Variants in NRCAM observed in about 807,000 individuals in gnomAD.
NRCAM encodes the protein NgCAM-related cell adhesion molecule.
A neutral mutation model predicts 156.5 loss-of-function variants in NRCAM; 83 were observed. That is an observed-to-expected ratio of 0.53 (90% CI 0.44 to 0.64). NRCAM has a LOEUF of 0.64. Ranked by LOEUF, NRCAM falls within the 30% of genes least tolerant of loss-of-function variation. The probability of loss-of-function intolerance (pLI) is 0.00; values close to 1 mark genes in which losing one functional copy is unlikely to be tolerated. For missense variants in NRCAM, 1,417 were observed against 1,597.3 expected, an observed-to-expected ratio of 0.89 and a Z score of 1.92; for synonymous variants, 538 against 563.9, an observed-to-expected ratio of 0.95 and a Z score of 0.65.
In NRCAM at chr7:108,161,051, T is replaced by C. The variant is rs1432202913; in HGVS notation, c.3467-559A>G. ...GATCAGGAAAACAGCCATATTGTTTTATATAACATCTCAATTTGCACCCAA... is the reference window on the plus strand; with the variant it reads ...GATCAGGAAAACAGCCATATTGTTTCATATAACATCTCAATTTGCACCCAA... On this transcript the variant is annotated intron_variant, in intron 30 of 32. Coordinates refer to ENST00000379028, the MANE Select transcript of NRCAM (RefSeq NM_001037132.4). Among the ~76,000 whole-genome samples the C allele has an allele frequency of 3.3e-5, 5 of 152,358 alleles. No individual in the cohort carries two copies. In the East Asian group the frequency reaches 9.6e-4, roughly 29 times the overall value.
chr7:108,225,136 T>C (rs1291647871), intron 10 of NRCAM, among the ~76,000 whole-genome samples: 2 of 152,220 alleles, frequency 1.3e-5, no homozygotes, highest in East Asian at 1.9e-4. Flanking sequence ...GTGACTTGGT[T>C]TGACTTACTT....
intron 1 of NRCAM, among the ~76,000 whole-genome samples, chr7:108,435,392 CAG>C (rs1278747435): frequency 2.0e-5 from 3 of 152,072 alleles, no homozygotes; most frequent in Admixed American, 1.3e-4. Context: ...GAAAAATAAG[CAG>C]AGTCTCAGAA....
At position 108,212,001 on chromosome 7, in the gene NRCAM, C is replaced by G. The variant is rs550301129; in HGVS notation, c.891-2396G>C. Among the ~76,000 whole-genome samples the G allele has an allele frequency of 3.9e-3, 591 of 152,316 alleles. 3 individuals carry two copies. Among genetic ancestry groups the G allele is most frequent in the African/African-American group, 0.013 (541 of 41,564 alleles). ...GAACCCTCACAGAGTCCATTTCAAC[C>G]CCCTGCCACCTCCACCAGAACAGGT... On this transcript the variant is annotated intron_variant, in intron 11 of 32. Transcript: ENST00000379028.
chr7:108,206,686 C>T (rs1183543785), intron 13 of NRCAM, among the ~76,000 whole-genome samples: 1 of 152,182 alleles, frequency 6.6e-6, no homozygotes, highest in African/African-American at 2.4e-5. Flanking sequence ...GTGCAACATC[C>T]ATTTAAAGAT....
chr7:108,393,906 A>C (rs2099769503), intron 2 of NRCAM, among the ~76,000 whole-genome samples: 1 of 152,160 alleles, frequency 6.6e-6, no homozygotes, highest in Non-Finnish European at 1.5e-5. Context: ...TTTCTCTGGA[A>C]CCAGGCTCTG....
At chr7:108,364,889 C>T (rs555934635) in intron 2 of NRCAM, among the ~76,000 whole-genome samples, 62 of 151,994 alleles carry the variant, frequency 4.1e-4, no homozygotes, top group Admixed American at 9.8e-4. Flanking sequence ...TTGGAGATGA[C>T]GAAAGAGTTT....
intron 2 of NRCAM, among the ~76,000 whole-genome samples, chr7:108,376,976 G>A (rs2099678521): frequency 1.3e-5 from 2 of 152,056 alleles, no homozygotes; most frequent in Admixed American, 6.6e-5. Flanking sequence ...ACCAGCCTAG[G>A]CAACAGGGCA....
chr7:108,400,874 G>A (rs2099790542), intron 1 of NRCAM, among the ~76,000 whole-genome samples: 1 of 152,066 alleles, frequency 6.6e-6, no homozygotes, highest in South Asian at 2.1e-4. Flanking sequence ...GGCTGGGTAT[G>A]ATCCAAAGAC....
intron 30 of NRCAM, among the ~76,000 whole-genome samples, chr7:108,163,329 G>A (rs553189167): frequency 6.6e-6 from 1 of 152,264 alleles, no homozygotes; most frequent in Admixed American, 6.5e-5. Context: ...TTGCTGTCAT[G>A]GATATCTGTG....
intron 3 of NRCAM, among the ~76,000 whole-genome samples, chr7:108,240,931 T>C (rs917381099): frequency 6.6e-6 from 1 of 152,204 alleles, no homozygotes; most frequent in Non-Finnish European, 1.5e-5. Flanking sequence ...TTTCTGTTTT[T>C]CTTTCTTGTG....
chr7:108,295,437 T>C (rs767046102), intron 3 of NRCAM, among the ~76,000 whole-genome samples: 7 of 152,186 alleles, frequency 4.6e-5, no homozygotes, highest in Non-Finnish European at 2.9e-5. Flanking sequence ...GCTGGCAGAT[T>C]CCATGTCTGA....
At chr7:108,168,046 C>T (rs552578498) in intron 29 of NRCAM, among the ~76,000 whole-genome samples, 5 of 152,164 alleles carry the variant, frequency 3.3e-5, no homozygotes, top group East Asian at 1.9e-4. Flanking sequence ...AAATAACATA[C>T]GTAATGGAAC....
At chr7:108,417,942 C>T (rs1415073191) in intron 1 of NRCAM, among the ~76,000 whole-genome samples, 1 of 152,176 alleles carries the variant, frequency 6.6e-6, no homozygotes, top group Non-Finnish European at 1.5e-5. Flanking sequence ...ACAAACCAAA[C>T]TGCAACCTTT....
intron 2 of NRCAM, among the ~76,000 whole-genome samples, chr7:108,343,430 AGAAAGGAAAG>A (rs1170273299): frequency 6.6e-6 from 1 of 152,174 alleles, no homozygotes; most frequent in East Asian, 1.9e-4. Flanking sequence ...TGGGGTCATC[AGAAAGGAAAG>A]GAAAGGGAAA....
intron 2 of NRCAM, among the ~76,000 whole-genome samples, chr7:108,388,766 C>T (rs1193495737): frequency 6.6e-5 from 10 of 152,180 alleles, no homozygotes; most frequent in South Asian, 4.1e-4. Flanking sequence ...TCAGTTTCAG[C>T]TTTCCACATA....
intron 2 of NRCAM, among the ~76,000 whole-genome samples, chr7:108,395,650 T>G (rs2099774777): frequency 6.6e-6 from 1 of 152,212 alleles, no homozygotes. Flanking sequence ...TGTAGAATGC[T>G]GTTCTCTAAC....
chr7:108,373,060 T>C (rs966711451), intron 2 of NRCAM, among the ~76,000 whole-genome samples: 4 of 152,198 alleles, frequency 2.6e-5, no homozygotes, highest in South Asian at 4.1e-4. Flanking sequence ...TGGATGAACA[T>C]TGAGGACATT....
intron 2 of NRCAM, among the ~76,000 whole-genome samples, chr7:108,337,194 C>T (rs1209665215): frequency 1.4e-5 from 2 of 147,084 alleles, no homozygotes; most frequent in African/African-American, 5.0e-5. Flanking sequence ...ACCTGGGAGG[C>T]GGAGGTTGCA....
rs1181902492 is a variant in NRCAM, at chr7:108,451,174, G to T, written c.-332+5069C>A. The stretch of plus-strand genomic sequence containing the variant: ...GCAGAGGTTGCAGTGAGCCGAGACT[G>T]CAGCATTGCACTCCAGCCCAAGTGA... On this transcript the variant is annotated intron_variant, in intron 1 of 32. Coordinates refer to ENST00000379028, the MANE Select transcript of NRCAM (RefSeq NM_001037132.4). Among the ~76,000 whole-genome samples the T allele has an allele frequency of 2.7e-5, 4 of 150,690 alleles. No individual in the cohort carries two copies. In the East Asian group the frequency reaches 7.8e-4, roughly 29 times the overall value.
Sources: gnomAD v4.1 joint callset for allele counts (sites outside exome capture counted in the v4.1 genomes callset) on GRCh38, gnomAD v4.1.1 for gene constraint, MANE v1.5 for transcripts, NCBI Gene and HGNC (gene_info 2026-07-23, HGNC 2026-07-21) for gene names.